SAMMSON: variants seen among roughly 807,000 people sequenced by gnomAD.
SAMMSON encodes long intergenic non-protein coding RNA 1212.
intron 3 of SAMMSON, chr3:70,013,888 AG>A (rs1188760182): frequency 6.6e-6 from 1 of 152,154 alleles, no homozygotes; most frequent in Admixed American, 6.5e-5. Flanking sequence ...AGGTGTGGCT[AG>A]ATCCAACGGC....
intron 9 of SAMMSON, among the ~76,000 whole-genome samples, chr3:70,372,450 T>A (rs909565624): frequency 1.3e-5 from 2 of 152,026 alleles, no homozygotes; most frequent in Non-Finnish European, 2.9e-5. Context: ...TAGCAGGGAT[T>A]ACAGGCGCCT....
At chr3:70,409,470 A>G (rs1029102570) in intron 2 of SAMMSON, among the ~76,000 whole-genome samples, 13 of 152,138 alleles carry the variant, frequency 8.5e-5, no homozygotes, top group African/African-American at 3.1e-4. Context: ...TTGCTTAAAA[A>G]AAAAAAAAGA....
chr3:70,087,866 T>C (rs1447364423), intron 4 of SAMMSON, among the ~76,000 whole-genome samples: 1 of 152,176 alleles, frequency 6.6e-6, no homozygotes, highest in Non-Finnish European at 1.5e-5. Flanking sequence ...TAAATAAGCA[T>C]ACTAATTTAT....
chr3:70,126,516 G>A, intron 4 of SAMMSON: 1 of 615,842 alleles, frequency 1.6e-6, no homozygotes, highest in Non-Finnish European at 3.0e-6. Context: ...GCTGGCAGGT[G>A]CCTCACCAGA....
At chr3:70,064,963 A>G (rs1227869052) in intron 3 of SAMMSON, among the ~76,000 whole-genome samples, 2 of 152,056 alleles carry the variant, frequency 1.3e-5, no homozygotes, top group African/African-American at 2.4e-5. Flanking sequence ...TCTCATTATT[A>G]TTATCTTTAA....
chr3:70,212,266 C>A (rs552611289), intron 4 of SAMMSON, among the ~76,000 whole-genome samples: 5 of 152,162 alleles, frequency 3.3e-5, no homozygotes, highest in Non-Finnish European at 7.4e-5. Context: ...TACAGCTTCA[C>A]ACTTGTAACT....
chr3:70,335,924 A>T (rs1422088817), intron 7 of SAMMSON, among the ~76,000 whole-genome samples: 1 of 151,946 alleles, frequency 6.6e-6, no homozygotes, highest in Non-Finnish European at 1.5e-5. Context: ...TGGAAAAAAA[A>T]AGAGAATTCA....
rs57252778 is a variant in SAMMSON, at chr3:70,116,292, C to CTTTTTTTTT, written n.507+44737_507+44745dup. On this transcript the variant is annotated intron_variant and non_coding_transcript_variant, in intron 4 of 9. Coordinates refer to ENST00000642114, the Ensembl canonical transcript of SAMMSON. ...AGTTTTAGGAGAAGGGCGATGCTTT[C>CTTTTTTTTT]TTTTTTTTTTTTTTTTTTAAAGAAA... Among the ~76,000 whole-genome samples, 77 of 118,168 alleles carry CTTTTTTTTT rather than the reference C, an allele frequency of 6.5e-4. 1 individual carries two copies. Among genetic ancestry groups the CTTTTTTTTT allele is most frequent in the Non-Finnish European group, 7.5e-4 (43 of 57,160 alleles). The allele number at this position is 118,168 out of a possible 152,430, so 77.5% of individuals were successfully genotyped here. A position where few individuals can be genotyped will look rare whatever the true frequency, so the allele number is the denominator to read the frequency against.
intron 4 of SAMMSON, among the ~76,000 whole-genome samples, chr3:70,161,240 T>C (rs1559525786): frequency 6.6e-6 from 1 of 152,064 alleles, no homozygotes; most frequent in African/African-American, 2.4e-5. Flanking sequence ...AGAGCATTCT[T>C]ATCCTGTTCC....
At chr3:70,333,771 T>C (rs1702642441) in intron 7 of SAMMSON, among the ~76,000 whole-genome samples, 1 of 152,218 alleles carries the variant, frequency 6.6e-6, no homozygotes, top group Non-Finnish European at 1.5e-5. Context: ...CTTAAACCCC[T>C]TTAACAGTTT....
At chr3:70,118,089 T>G (rs990013457) in intron 4 of SAMMSON, among the ~76,000 whole-genome samples, 1 of 151,942 alleles carries the variant, frequency 6.6e-6, no homozygotes, top group Non-Finnish European at 1.5e-5. Context: ...CGGCTAATTT[T>G]GTTTTTTATT....
chr3:70,216,015 C>T (rs1372062119), intron 4 of SAMMSON, among the ~76,000 whole-genome samples: 4 of 151,972 alleles, frequency 2.6e-5, no homozygotes, highest in East Asian at 1.9e-4. Flanking sequence ...ATCTGTAGAA[C>T]TGTGAAAATA....
chr3:70,045,454 C>T (rs1363077808), intron 3 of SAMMSON, among the ~76,000 whole-genome samples: 1 of 151,586 alleles, frequency 6.6e-6, no homozygotes, highest in Non-Finnish European at 1.5e-5. Flanking sequence ...ACTAGAGGCT[C>T]ATTCAGTAGC....
At chr3:70,417,885 A>G (rs1559585164) in intron 2 of SAMMSON, among the ~76,000 whole-genome samples, 2 of 152,282 alleles carry the variant, frequency 1.3e-5, no homozygotes, top group East Asian at 3.9e-4. Flanking sequence ...AAGTCCTGAA[A>G]GGCATGTGGT....
chr3:70,289,889 G>T (rs1377085186), intron 6 of SAMMSON, among the ~76,000 whole-genome samples: 2 of 151,660 alleles, frequency 1.3e-5, no homozygotes, highest in Non-Finnish European at 2.9e-5. Context: ...CGTAGTTCTC[G>T]AGCCTTGGTT....
At chr3:70,323,840 G>A (rs1026448923) in intron 7 of SAMMSON, among the ~76,000 whole-genome samples, 28 of 151,966 alleles carry the variant, frequency 1.8e-4, no homozygotes, top group Non-Finnish European at 3.8e-4. Context: ...CATCTCTTGA[G>A]CTCACCTGGA....
chr3:70,129,889 A>G (rs975439791), intron 4 of SAMMSON, among the ~76,000 whole-genome samples: 1 of 152,196 alleles, frequency 6.6e-6, no homozygotes, highest in African/African-American at 2.4e-5. Context: ...AATGTTATAT[A>G]TTTAAGCTGT....
At chr3:70,136,510 CT>C (rs1220367517) in intron 4 of SAMMSON, among the ~76,000 whole-genome samples, 1 of 152,220 alleles carries the variant, frequency 6.6e-6, no homozygotes, top group Non-Finnish European at 1.5e-5. Context: ...TGGCTGACAG[CT>C]TGTCTGTGCC....
chr3:70,157,449 C>T (rs918121522), intron 4 of SAMMSON, among the ~76,000 whole-genome samples: 10 of 152,020 alleles, frequency 6.6e-5, no homozygotes, highest in African/African-American at 2.2e-4. Flanking sequence ...TTATCATTCA[C>T]ATGAGTGATA....
Sources: gnomAD v4.1 joint callset for allele counts (sites outside exome capture counted in the v4.1 genomes callset) on GRCh38, gnomAD v4.1.1 for gene constraint, MANE v1.5 for transcripts, NCBI Gene and HGNC (gene_info 2026-07-23, HGNC 2026-07-21) for gene names.